SAMD12: variants seen among roughly 807,000 people sequenced by gnomAD.
SAMD12 encodes the protein sterile alpha motif domain containing 12, also known as sterile alpha motif domain-containing protein 12.
A neutral mutation model predicts 15.0 loss-of-function variants in SAMD12; 9 were observed. The ratio of observed to expected loss-of-function variants is 0.60; its 90% CI spans 0.36 to 1.05. The LOEUF (loss-of-function observed/expected upper bound fraction) is 1.05, where lower values mean the gene tolerates loss of function less well. Among genes scored for constraint, SAMD12 ranks in the 50% least tolerant of loss-of-function variants. The pLI, the probability that SAMD12 is intolerant of heterozygous loss-of-function variation, is 0.01. For synonymous variants in SAMD12, 86 were observed against 90.1 expected (o/e 0.96, Z 0.25); for missense variants, 230 against 234.2 (o/e 0.98, Z 0.12).
intron 2 of SAMD12, among the ~76,000 whole-genome samples, chr8:118,580,141 T>A (rs943649235): frequency 6.6e-6 from 1 of 152,200 alleles, no homozygotes; most frequent in Non-Finnish European, 1.5e-5. Context: ...CCTCACAAGA[T>A]TGTTACAGGG....
chr8:118,509,952 T>C (rs1825028551), intron 2 of SAMD12, among the ~76,000 whole-genome samples: 1 of 152,162 alleles, frequency 6.6e-6, no homozygotes. Flanking sequence ...AAATACAATA[T>C]TGAGGGTGAG....
intron 2 of SAMD12, among the ~76,000 whole-genome samples, chr8:118,486,094 CTT>C (rs1824268416): frequency 6.6e-6 from 1 of 152,166 alleles, no homozygotes. Context: ...AAGAAATTCT[CTT>C]GTTACTGGGG....
intron 4 of SAMD12, among the ~76,000 whole-genome samples, chr8:118,292,340 A>G (rs2130258853): frequency 7.1e-6 from 1 of 141,622 alleles, no homozygotes; most frequent in South Asian, 2.3e-4. Context: ...CCAAAACTGC[A>G]AACACACAGA....
intron 4 of SAMD12, among the ~76,000 whole-genome samples, chr8:118,252,590 CTCT>C (rs1812844617): frequency 6.6e-6 from 1 of 152,034 alleles, no homozygotes; most frequent in African/African-American, 2.4e-5. Context: ...CTTTTTTCTC[CTCT>C]TGCTTTTCCC....
chr8:118,444,967 G>A (rs1224602201), intron 2 of SAMD12, among the ~76,000 whole-genome samples: 1 of 152,160 alleles, frequency 6.6e-6, no homozygotes, highest in Non-Finnish European at 1.5e-5. Context: ...CATTGGCAGG[G>A]CAAAGTGAGC....
At chr8:118,476,655 GGCT>G (rs1282737750) in intron 2 of SAMD12, among the ~76,000 whole-genome samples, 1 of 152,162 alleles carries the variant, frequency 6.6e-6, no homozygotes, top group African/African-American at 2.4e-5. Flanking sequence ...GACTAAAGGT[GGCT>G]GTATTGCTAC....
At chr8:118,594,999 T>G (rs1006409144) in intron 1 of SAMD12, among the ~76,000 whole-genome samples, 6 of 152,202 alleles carry the variant, frequency 3.9e-5, no homozygotes, top group African/African-American at 1.4e-4. Flanking sequence ...CCCTAAATAA[T>G]GTCGTTGTTC....
chr8:118,595,229 A>G lies in SAMD12; in HGVS notation c.14-14336T>C, dbSNP rs55829046. 4.0e-3 allele frequency among the ~76,000 whole-genome samples: 615 copies of G among 152,334 alleles called. 3 individuals carry two copies. The highest frequency in any genetic ancestry group is 0.014 in the African/African-American group (575 of 41,574). ...AGAAACAAAACATCAAGCAAATGGC[A>G]GACAGTGTGACTGCATATTTAGGGA... On this transcript the variant is annotated intron_variant, in intron 1 of 3. Coordinates refer to ENST00000314727, the MANE Select transcript of SAMD12 (RefSeq NM_207506.3).
At chr8:118,391,254 C>T (rs1820261590) in intron 3 of SAMD12, among the ~76,000 whole-genome samples, 1 of 152,124 alleles carries the variant, frequency 6.6e-6, no homozygotes, top group Admixed American at 6.5e-5. Flanking sequence ...AGTCTAGTAC[C>T]AACATAATGG....
intron 2 of SAMD12, among the ~76,000 whole-genome samples, chr8:118,541,460 A>C (rs963408153): frequency 6.6e-6 from 1 of 152,228 alleles, no homozygotes; most frequent in Non-Finnish European, 1.5e-5. Flanking sequence ...TAAAGGACCC[A>C]ACAGTAAACA....
At chr8:118,414,219 C>T (rs1384216897) in intron 3 of SAMD12, among the ~76,000 whole-genome samples, 1 of 152,114 alleles carries the variant, frequency 6.6e-6, no homozygotes, top group Non-Finnish European at 1.5e-5. Flanking sequence ...AATCATTTTC[C>T]TTTAAATAAT....
intron 2 of SAMD12, among the ~76,000 whole-genome samples, chr8:118,478,631 A>C (rs1669318848): frequency 1.3e-5 from 2 of 152,254 alleles, no homozygotes; most frequent in Admixed American, 1.3e-4. Context: ...TACAGCTTGC[A>C]AATGGCAGAA....
At chr8:118,555,673 A>G in intron 2 of SAMD12, among the ~76,000 whole-genome samples, 1 of 152,248 alleles carries the variant, frequency 6.6e-6, no homozygotes, top group East Asian at 1.9e-4. Flanking sequence ...TCTGCAAATC[A>G]GCACATTATA....
intron 2 of SAMD12, among the ~76,000 whole-genome samples, chr8:118,486,999 A>G (rs946431252): frequency 6.6e-6 from 1 of 152,146 alleles, no homozygotes; most frequent in Non-Finnish European, 1.5e-5. Context: ...CCTCCTGCCC[A>G]TGCTGGTGTT....
chr8:118,202,369 A>G (rs1308514078), intron 4 of SAMD12, among the ~76,000 whole-genome samples: 5 of 152,172 alleles, frequency 3.3e-5, no homozygotes, highest in Admixed American at 1.3e-4. Context: ...CAGGAGGCAG[A>G]TAACTGTCTT....
chr8:118,252,706 TC>T (rs1180217339), intron 4 of SAMD12, among the ~76,000 whole-genome samples: 1 of 152,166 alleles, frequency 6.6e-6, no homozygotes, highest in Admixed American at 6.5e-5. Context: ...TTTCCTGTCT[TC>T]CCTACCTTTC....
At chr8:118,596,440 T>A (rs1827726089) in intron 1 of SAMD12, among the ~76,000 whole-genome samples, 1 of 152,172 alleles carries the variant, frequency 6.6e-6, no homozygotes, top group Admixed American at 6.5e-5. Context: ...AAGCACTCCA[T>A]CCTTCCATTC....
chr8:118,364,592 G>A (rs550858284), intron 4 of SAMD12, among the ~76,000 whole-genome samples: 11 of 152,254 alleles, frequency 7.2e-5, no homozygotes, highest in South Asian at 6.2e-4. Flanking sequence ...AGACCCTCAC[G>A]CTTTCACATG....
At chr8:118,446,539 C>T (rs1178911893) in intron 2 of SAMD12, among the ~76,000 whole-genome samples, 1 of 151,950 alleles carries the variant, frequency 6.6e-6, no homozygotes, top group East Asian at 1.9e-4. Flanking sequence ...TTTTTTTGAG[C>T]TACATAAAAT....
Sources: allele counts gnomAD v4.1 joint callset (sites outside exome capture counted in the v4.1 genomes callset), GRCh38; gene constraint gnomAD v4.1.1; transcripts MANE v1.5; gene names NCBI Gene and HGNC (gene_info 2026-07-23, HGNC 2026-07-21).